Variants in TACR1 observed in about 807,000 individuals in gnomAD.
TACR1 encodes substance-P receptor.
A neutral mutation model predicts 35.8 loss-of-function variants in TACR1; 25 were observed. The observed-to-expected ratio is 0.70, with a 90% confidence interval of 0.51 to 0.98. TACR1 has a LOEUF of 0.98. TACR1 is among the 50% of genes least tolerant of loss of function. The probability of loss-of-function intolerance (pLI) is 0.00; values close to 1 mark genes in which losing one functional copy is unlikely to be tolerated. For missense variants in TACR1, 478 were observed against 522.9 expected, an observed-to-expected ratio of 0.91 and a Z score of 0.84; for synonymous variants, 195 against 206.7, an observed-to-expected ratio of 0.94 and a Z score of 0.48.
At chr2:75,127,071 T>G (rs757149663) in intron 1 of TACR1, among the ~76,000 whole-genome samples, 1 of 152,214 alleles carries the variant, frequency 6.6e-6, no homozygotes. Flanking sequence ...TCTTTCTATA[T>G]GGCATCACCC....
At position 75,074,694 on chromosome 2, in the gene TACR1, C is replaced by T. The variant is rs371258408; in HGVS notation, c.585-20939G>A. On this transcript the variant is annotated intron_variant, in intron 2 of 4. Coordinates refer to ENST00000305249, the MANE Select transcript of TACR1 (RefSeq NM_001058.4). ...CCCTGAAGGCAGGGATTTTTTTTTT[C>T]TTCCAGGCAAGAAGGTGGCTTCAGA... 5.0e-3 allele frequency among the ~76,000 whole-genome samples: 749 copies of T among 150,404 alleles called. 9 individuals carry two copies. The highest frequency in any genetic ancestry group is 0.017 in the African/African-American group (709 of 40,756).
intron 1 of TACR1, among the ~76,000 whole-genome samples, chr2:75,153,510 A>G (rs1674721166): frequency 6.6e-6 from 1 of 152,240 alleles, no homozygotes; most frequent in African/African-American, 2.4e-5. Context: ...AAAGGCGTTC[A>G]GTTTTACAAG....
At chr2:75,126,442 T>G (rs572244290) in intron 1 of TACR1, among the ~76,000 whole-genome samples, 1 of 152,318 alleles carries the variant, frequency 6.6e-6, no homozygotes, top group South Asian at 2.1e-4. Context: ...CCTCTGGGTA[T>G]ATACCCAGTA....
chr2:75,119,173 A>G (rs773781871), intron 2 of TACR1, among the ~76,000 whole-genome samples: 2 of 152,162 alleles, frequency 1.3e-5, no homozygotes, highest in Non-Finnish European at 2.9e-5. Context: ...ATTTTAACTT[A>G]AGTTTAAAGG....
intron 2 of TACR1, among the ~76,000 whole-genome samples, chr2:75,092,728 A>G (rs531339147): frequency 6.6e-6 from 1 of 152,098 alleles, no homozygotes; most frequent in South Asian, 2.1e-4. Flanking sequence ...TCTCACAGCT[A>G]CTCCATCTGT....
chr2:75,199,069 CTT>C lies in TACR1; in HGVS notation c.-137_-136del, dbSNP rs1676068898. On this transcript the variant is annotated 5_prime_UTR_variant, in exon 1 of 5. Transcript: ENST00000305249. ...TGGAAGGCTTTTTCTGGGCAGCACT[CTT>C]TTTGAAAGCTGAACTGGCGCTCAGA... The C allele has an allele frequency of 8.8e-7, 1 of 1,131,266 alleles. No individual in the cohort carries two copies. The highest frequency in any genetic ancestry group is 1.2e-6 in the Non-Finnish European group (1 of 810,086). 70.1% of individuals were successfully genotyped at this position (1,131,266 alleles called of 1,614,324 possible). A position where few individuals can be genotyped will look rare whatever the true frequency, so the allele number is the denominator to read the frequency against.
chr2:75,065,905 A>T (rs1672754069), intron 2 of TACR1, among the ~76,000 whole-genome samples: 1 of 152,222 alleles, frequency 6.6e-6, no homozygotes, highest in South Asian at 2.1e-4. Flanking sequence ...TGTGACTAAT[A>T]GCCATCCATG....
At chr2:75,107,028 A>G (rs960401566) in intron 2 of TACR1, among the ~76,000 whole-genome samples, 18 of 151,848 alleles carry the variant, frequency 1.2e-4, no homozygotes, top group African/African-American at 3.9e-4. Flanking sequence ...CAACAAAATG[A>G]TAGAGGAAAA....
chr2:75,114,404 A>AT (rs1406313991), intron 2 of TACR1, among the ~76,000 whole-genome samples: 7 of 152,150 alleles, frequency 4.6e-5, no homozygotes, highest in African/African-American at 9.6e-5. Context: ...CTCATTACAG[A>AT]TTTTTTCTTG....
chr2:75,197,737 C>A (rs1676028047), intron 1 of TACR1, among the ~76,000 whole-genome samples: 1 of 152,148 alleles, frequency 6.6e-6, no homozygotes, highest in African/African-American at 2.4e-5. Flanking sequence ...CTCTCAAATG[C>A]CTTTGCCAAG....
intron 2 of TACR1, among the ~76,000 whole-genome samples, chr2:75,104,597 G>A (rs1233700005): frequency 6.6e-6 from 1 of 151,980 alleles, no homozygotes; most frequent in Non-Finnish European, 1.5e-5. Context: ...TTCCTTTCAA[G>A]CACACACAGA....
At chr2:75,180,312 A>G (rs536262770) in intron 1 of TACR1, among the ~76,000 whole-genome samples, 2 of 152,328 alleles carry the variant, frequency 1.3e-5, no homozygotes, top group East Asian at 1.9e-4. Flanking sequence ...CTTAGAATCT[A>G]GAACAATACT....
intron 2 of TACR1, among the ~76,000 whole-genome samples, chr2:75,071,523 G>T (rs141018158): frequency 6.6e-6 from 1 of 151,964 alleles, no homozygotes; most frequent in Non-Finnish European, 1.5e-5. Context: ...TCTTCATTTC[G>T]TGCACATTAG....
At chr2:75,134,890 G>C (rs981536458) in intron 1 of TACR1, among the ~76,000 whole-genome samples, 3 of 152,206 alleles carry the variant, frequency 2.0e-5, no homozygotes, top group Non-Finnish European at 4.4e-5. Flanking sequence ...AACAAGGCTA[G>C]AGGATTGAGT....
intron 1 of TACR1, among the ~76,000 whole-genome samples, chr2:75,155,968 T>C (rs1305743855): frequency 6.6e-6 from 1 of 152,214 alleles, no homozygotes; most frequent in Admixed American, 6.5e-5. Context: ...CATTTTTAAA[T>C]GATTGAAAAA....
chr2:75,175,603 C>T (rs1283416881), intron 1 of TACR1, among the ~76,000 whole-genome samples: 1 of 152,132 alleles, frequency 6.6e-6, no homozygotes, highest in African/African-American at 2.4e-5. Flanking sequence ...AGCATAGCAT[C>T]TTCAAATCTC....
At chr2:75,162,822 T>C (rs1675043887) in intron 1 of TACR1, among the ~76,000 whole-genome samples, 1 of 152,240 alleles carries the variant, frequency 6.6e-6, no homozygotes, top group Admixed American at 6.5e-5. Context: ...TGTTGATGTT[T>C]CAAGGTTGTT....
chr2:75,070,500 C>T (rs1469349876), intron 2 of TACR1, among the ~76,000 whole-genome samples: 1 of 152,098 alleles, frequency 6.6e-6, no homozygotes, highest in Non-Finnish European at 1.5e-5. Flanking sequence ...TAAAATTATC[C>T]TATTTTACAT....
chr2:75,198,871 G>A lies in TACR1; in HGVS notation c.64C>T (p.Pro22Ser). ...SPNISTNTSE[P>S]NQFVQPAWQI... is the part of the protein sequence containing the mutation. The stretch of plus-strand genomic sequence containing the variant: ...CAGGCTGGTTGCACGAACTGATTGG[G>A]TTCCGAGGTGTTAGTGGAGATGTTT... The change falls in exon 1 of 5, where the codon CCC becomes TCC. Residue 22 changes from proline to serine, a missense_variant. Coordinates refer to ENST00000305249, the MANE Select transcript of TACR1 (RefSeq NM_001058.4). The A allele has an allele frequency of 6.2e-7, 1 of 1,614,106 alleles. No individual in the cohort carries two copies.
Sources: allele counts gnomAD v4.1 joint callset (sites outside exome capture counted in the v4.1 genomes callset), GRCh38; gene constraint gnomAD v4.1.1; transcripts MANE v1.5; gene names NCBI Gene and HGNC (gene_info 2026-07-23, HGNC 2026-07-21).